ANK3: variants seen among roughly 807,000 people sequenced by gnomAD.
ANK3 encodes the protein ankyrin 3, also known as ankyrin-3.
Under a neutral mutation model 370.9 loss-of-function variants are expected in ANK3, and 57 were observed. That is an observed-to-expected ratio of 0.15 (90% CI 0.12 to 0.19). ANK3 has a LOEUF of 0.19. Among genes scored for constraint, ANK3 ranks in the 10% least tolerant of loss-of-function variants. The pLI, the probability that ANK3 is intolerant of heterozygous loss-of-function variation, is 1.00. For missense variants in ANK3, 4,439 were observed against 5,302.1 expected, an observed-to-expected ratio of 0.84 and a Z score of 5.06; for synonymous variants, 1,929 against 1,946.3, an observed-to-expected ratio of 0.99 and a Z score of 0.23.
At chr10:60,567,412 G>A (rs1262175529) in intron 2 of ANK3, among the ~76,000 whole-genome samples, 1 of 152,136 alleles carries the variant, frequency 6.6e-6, no homozygotes, top group Non-Finnish European at 1.5e-5. Context: ...TCTGTCTACA[G>A]CATGGTTTGC....
chr10:60,302,468 T>C (rs547368925), intron 1 of ANK3, among the ~76,000 whole-genome samples: 1 of 152,310 alleles, frequency 6.6e-6, no homozygotes, highest in East Asian at 1.9e-4. Context: ...TTATCAAACA[T>C]GCAAGGCACT....
chr10:60,088,415 T>G, intron 28 of ANK3, 57 bp from the exon 29 acceptor site: 1 of 1,435,278 alleles, frequency 7.0e-7, no homozygotes. Context: ...CAACATACCT[T>G]AAGTCAAAAT....
chr10:60,238,159 T>C (rs528657689), intron 7 of ANK3, among the ~76,000 whole-genome samples: 5 of 152,172 alleles, frequency 3.3e-5, no homozygotes, highest in Non-Finnish European at 7.3e-5. Context: ...AACGGACTAC[T>C]CATATTTTGA....
At chr10:60,307,682 C>T (rs2045448264) in intron 1 of ANK3, among the ~76,000 whole-genome samples, 1 of 152,096 alleles carries the variant, frequency 6.6e-6, no homozygotes, top group Admixed American at 6.6e-5. Context: ...TCCCATGAAC[C>T]TAGAATGTTG....
intron 1 of ANK3, among the ~76,000 whole-genome samples, chr10:60,329,832 A>G (rs2050785409): frequency 6.6e-6 from 1 of 152,218 alleles, no homozygotes; most frequent in African/African-American, 2.4e-5. Flanking sequence ...AGCCAAGACA[A>G]TCCTAAGCAA....
intron 1 of ANK3, among the ~76,000 whole-genome samples, chr10:60,359,028 TATTGTTCACATGTTG>T (rs1293288607): frequency 6.6e-6 from 1 of 152,174 alleles, no homozygotes; most frequent in Non-Finnish European, 1.5e-5. Flanking sequence ...CTTATTGGCT[TATTGTTCACATGTTG>T]ATTGTTTGAC....
At chr10:60,565,819 C>A in intron 2 of ANK3, among the ~76,000 whole-genome samples, 1 of 152,294 alleles carries the variant, frequency 6.6e-6, no homozygotes, top group South Asian at 2.1e-4. Context: ...GTTACCACTC[C>A]CTCCTTTCTG....
At chr10:60,337,809 C>T (rs1039097424) in intron 1 of ANK3, among the ~76,000 whole-genome samples, 3 of 152,186 alleles carry the variant, frequency 2.0e-5, no homozygotes, top group Admixed American at 1.3e-4. Context: ...ATTCTTATTA[C>T]TCACACATCC....
chr10:60,228,764 T>A (rs2097201953), intron 8 of ANK3, among the ~76,000 whole-genome samples: 1 of 152,106 alleles, frequency 6.6e-6, no homozygotes, highest in Admixed American at 6.6e-5. Flanking sequence ...AAATTAGATG[T>A]GAGCATTACC....
intron 2 of ANK3, among the ~76,000 whole-genome samples, chr10:60,544,865 A>G (rs1164662902): frequency 6.6e-6 from 1 of 152,002 alleles, no homozygotes; most frequent in South Asian, 2.1e-4. Flanking sequence ...ACACAAATCC[A>G]TTTAAAATCC....
At position 60,468,021 on chromosome 10, in the gene ANK3, G is replaced by A. The variant is rs192727319; in HGVS notation, c.96+147165C>T. Among the ~76,000 whole-genome samples the A allele has an allele frequency of 6.2e-5, 8 of 128,962 alleles. No individual in the cohort carries two copies. In the South Asian group the frequency reaches 7.5e-4, roughly 12 times the overall value. 84.6% of individuals were successfully genotyped at this position (128,962 alleles called of 152,430 possible). Reference sequence around the variant, plus strand: ...TTTTTTGAGATGGAGTTTTGCTCTTGTTGCCCAGGCTAGAGTGCAGTGGCA... The same window carrying A: ...TTTTTTGAGATGGAGTTTTGCTCTTATTGCCCAGGCTAGAGTGCAGTGGCA... On this transcript the variant is annotated intron_variant, in intron 2 of 43. Coordinates refer to the ANK3 transcript ENST00000373827.
chr10:60,260,616 A>T (rs2097789927), intron 7 of ANK3, among the ~76,000 whole-genome samples: 1 of 152,132 alleles, frequency 6.6e-6, no homozygotes, highest in African/African-American at 2.4e-5. Context: ...TGATTGGATC[A>T]TGGGGAAGGA....
chr10:60,379,885 AT>A (rs1316371988), intron 1 of ANK3, among the ~76,000 whole-genome samples: 5 of 152,148 alleles, frequency 3.3e-5, no homozygotes, highest in African/African-American at 9.7e-5. Flanking sequence ...ACACAAAAAA[AT>A]AAATGTTTGA....
chr10:60,085,340 T>G, intron 30 of ANK3, 87 bp from the exon 31 acceptor site: 1 of 1,033,236 alleles, frequency 9.7e-7, no homozygotes, highest in East Asian at 2.5e-5. Context: ...TCTTTCTGCA[T>G]AGCCACAAAC....
intron 1 of ANK3, among the ~76,000 whole-genome samples, chr10:60,711,233 A>G (rs1485437640): frequency 4.6e-5 from 7 of 152,188 alleles, no homozygotes; most frequent in African/African-American, 1.7e-4. Flanking sequence ...AACACCACAA[A>G]GGATAAATGC....
intron 7 of ANK3, among the ~76,000 whole-genome samples, chr10:60,251,259 T>G (rs1021901220): frequency 6.6e-6 from 1 of 152,210 alleles, no homozygotes; most frequent in Admixed American, 6.5e-5. Flanking sequence ...CAGGGTCTTC[T>G]GACCAACCGC....
chr10:60,690,454 G>A (rs57442582), intron 1 of ANK3, among the ~76,000 whole-genome samples: 7,897 of 152,112 alleles, frequency 0.052, 285 homozygotes, highest in African/African-American at 0.086. Flanking sequence ...TATTTGTACT[G>A]TTACAGAAAA....
intron 9 of ANK3, 53 bp from the exon 10 acceptor site, chr10:60,208,286 G>A: frequency 1.3e-6 from 2 of 1,516,920 alleles, no homozygotes; most frequent in Non-Finnish European, 9.1e-7. Context: ...AAACACAAAT[G>A]TGCAGAACAC....
chr10:60,601,373 G>T (rs1383406870), intron 2 of ANK3, among the ~76,000 whole-genome samples: 3 of 151,974 alleles, frequency 2.0e-5, no homozygotes, highest in Non-Finnish European at 2.9e-5. Flanking sequence ...AGGTCGTCAA[G>T]GTTAGCAACA....
Sources: gnomAD v4.1 joint callset for allele counts (sites outside exome capture counted in the v4.1 genomes callset) on GRCh38, gnomAD v4.1.1 for gene constraint, MANE v1.5 for transcripts, NCBI Gene and HGNC (gene_info 2026-07-23, HGNC 2026-07-21) for gene names.